The following UGP2 variants were observed in gnomAD, a reference collection of about 807,000 sequenced individuals.
UGP2 encodes the protein UTP--glucose-1-phosphate uridylyltransferase.
Under a neutral mutation model 49.0 loss-of-function variants are expected in UGP2, and 40 were observed. The ratio of observed to expected loss-of-function variants is 0.82; its 90% CI spans 0.63 to 1.06. The LOEUF is 1.06. Among genes scored for constraint, UGP2 ranks in the 50% least tolerant of loss-of-function variants. The pLI is 0.00. For synonymous variants in UGP2, 225 were observed against 213.0 expected (o/e 1.06, Z -0.49); for missense variants, 460 against 603.5 (o/e 0.76, Z 2.49).
intron 3 of UGP2, among the ~76,000 whole-genome samples, chr2:63,872,767 C>CAGTGCCCTCAAAAAA (rs1256222993): frequency 2.0e-5 from 3 of 149,872 alleles, no homozygotes; most frequent in African/African-American, 4.9e-5. Context: ...TCACTGCAGC[C>CAGTGCCCTCAAAAAA]AGCTATTGCA....
At chr2:63,887,107 T>G (rs1008108483) in intron 7 of UGP2, among the ~76,000 whole-genome samples, 2 of 151,718 alleles carry the variant, frequency 1.3e-5, no homozygotes, top group Non-Finnish European at 2.9e-5. Flanking sequence ...CTACTAAAAA[T>G]ACAAAAAACT....
intron 3 of UGP2, among the ~76,000 whole-genome samples, chr2:63,868,457 G>A (rs1228267586): frequency 6.6e-6 from 1 of 152,158 alleles, no homozygotes; most frequent in African/African-American, 2.4e-5. Flanking sequence ...TGTAGTTCAC[G>A]GTAGTGTGAG....
At chr2:63,873,308 C>T (rs1670685102) in intron 3 of UGP2, among the ~76,000 whole-genome samples, 1 of 152,152 alleles carries the variant, frequency 6.6e-6, no homozygotes, top group Non-Finnish European at 1.5e-5. Flanking sequence ...TTATTCAAGC[C>T]AAACAGAAGC....
At chr2:63,850,056 T>C (rs1321646402) in intron 1 of UGP2, among the ~76,000 whole-genome samples, 1 of 152,218 alleles carries the variant, frequency 6.6e-6, no homozygotes, top group Non-Finnish European at 1.5e-5. Context: ...AAAGTGGTAT[T>C]ATTTAACAAA....
chr2:63,849,953 C>T (rs552279446), intron 1 of UGP2, among the ~76,000 whole-genome samples: 4 of 152,184 alleles, frequency 2.6e-5, no homozygotes, highest in South Asian at 2.1e-4. Context: ...GGCTTTTCAT[C>T]GTGATTTTAT....
intron 3 of UGP2, among the ~76,000 whole-genome samples, chr2:63,880,464 T>C (rs1671230897): frequency 6.6e-6 from 1 of 152,136 alleles, no homozygotes; most frequent in Non-Finnish European, 1.5e-5. Flanking sequence ...CCAGCCTGTT[T>C]CTTTTAGTGA....
chr2:63,864,828 G>A (rs963507112), intron 3 of UGP2, among the ~76,000 whole-genome samples: 9 of 152,086 alleles, frequency 5.9e-5, no homozygotes, highest in African/African-American at 1.9e-4. Context: ...TTCTTCCCAC[G>A]ATACATTTAA....
chr2:63,842,407 G>C, intron 1 of UGP2: 1 of 1,582,490 alleles, frequency 6.3e-7, no homozygotes, highest in Non-Finnish European at 8.5e-7. Flanking sequence ...CCTGTACCCT[G>C]CTGGGTTTAG....
chr2:63,872,391 G>A (rs546827460), intron 3 of UGP2, among the ~76,000 whole-genome samples: 6 of 152,320 alleles, frequency 3.9e-5, no homozygotes, highest in African/African-American at 1.4e-4. Flanking sequence ...CTGAATCAGT[G>A]AAGTAGTAAT....
chr2:63,887,673 A>T, intron 8 of UGP2, 29 bp downstream of exon 8: 1 of 1,607,768 alleles, frequency 6.2e-7, no homozygotes, highest in East Asian at 2.2e-5. Flanking sequence ...ATGTGAGTTC[A>T]TATTTCTTAA....
In UGP2 at chr2:63,884,030, C is replaced by T. The variant is rs772000155; in HGVS notation, c.512C>T (p.Thr171Ile). Residue 171 changes from threonine (T) to isoleucine (I), a missense_variant, in exon 5 of 10, where the codon ACC becomes ATC. Physicochemically the swap from Thr to Ile is moderately conservative, Grantham distance 89. This residue lies in a region of UGP2 where 317 missense variants were observed against 473.0 expected (regional missense o/e 0.67). Coordinates refer to ENST00000337130, the MANE Select transcript of UGP2 (RefSeq NM_006759.4). Reference protein sequence around the residue: ...LMNSFNTDEDTKKILQKYNHC... With the variant: ...LMNSFNTDEDIKKILQKYNHC... The stretch of plus-strand genomic sequence containing the variant: ...AACTCTTTTAACACGGATGAAGATA[C>T]CAAAAAAATACTACAGAAGTACAAT... 35 of 1,612,948 alleles carry T rather than the reference C, an allele frequency of 2.2e-5. No individual in the cohort carries two copies. Among genetic ancestry groups the T allele is most frequent in the Non-Finnish European group, 2.9e-5 (34 of 1,179,640 alleles).
chr2:63,887,669 G>T, intron 8 of UGP2, 25 bp downstream of exon 8: 5 of 1,607,618 alleles, frequency 3.1e-6, no homozygotes, highest in Non-Finnish European at 4.2e-6. Context: ...AGATATGTGA[G>T]TTCATATTTC....
chr2:63,870,485 T>C (rs1670476853), intron 3 of UGP2, among the ~76,000 whole-genome samples: 1 of 152,208 alleles, frequency 6.6e-6, no homozygotes, highest in Non-Finnish European at 1.5e-5. Flanking sequence ...TCTATTTAGG[T>C]TTTCTTTCAT....
In UGP2 at chr2:63,845,533, A is replaced by G. The variant is rs1671867642; in HGVS notation, c.19+3329A>G. The stretch of plus-strand genomic sequence containing the variant: ...TGTTATTATGTTAAAAAAAAAAAAA[A>G]AAAGTGCCGGGGTGGGGCAAGGTAA... On this transcript the variant is annotated intron_variant, in intron 1 of 9. Transcript: ENST00000337130. 2.0e-5 allele frequency among the ~76,000 whole-genome samples: 3 copies of G among 151,952 alleles called. No homozygotes were observed. The South Asian group carries it at 6.2e-4, about 32-fold the overall frequency.
chr2:63,860,036 C>G (rs1669725997), intron 3 of UGP2, among the ~76,000 whole-genome samples: 1 of 152,204 alleles, frequency 6.6e-6, no homozygotes, highest in South Asian at 2.1e-4. Flanking sequence ...TCCTACTCTT[C>G]TCTTTCCCAT....
intron 1 of UGP2, among the ~76,000 whole-genome samples, chr2:63,849,871 C>T (rs139441068): frequency 2.6e-5 from 4 of 152,278 alleles, no homozygotes; most frequent in South Asian, 2.1e-4. Context: ...ACCTTAAAGC[C>T]GTTCTAAGCA....
intron 2 of UGP2, chr2:63,856,984 G>C (rs1048921060): frequency 4.3e-5 from 16 of 373,512 alleles, no homozygotes; most frequent in Middle Eastern, 9.2e-4. Context: ...TTTTCATTGA[G>C]AAGTAGAGAA....
intron 3 of UGP2, among the ~76,000 whole-genome samples, chr2:63,875,773 C>T (rs1670868878): frequency 6.6e-6 from 1 of 152,158 alleles, no homozygotes. Context: ...GCGGTTTGCC[C>T]CACCTCACCT....
At chr2:63,871,938 G>A (rs1670583231) in intron 3 of UGP2, among the ~76,000 whole-genome samples, 1 of 152,220 alleles carries the variant, frequency 6.6e-6, no homozygotes, top group African/African-American at 2.4e-5. Context: ...GTAAGGGGCA[G>A]ATAGTAAATA....
Sources: gnomAD v4.1 joint callset for allele counts (sites outside exome capture counted in the v4.1 genomes callset) on GRCh38, gnomAD v4.1.1 for gene constraint, gnomAD v4.1.1 regional missense constraint, MANE v1.5 for transcripts, NCBI Gene and HGNC (gene_info 2026-07-23, HGNC 2026-07-21) for gene names.